B3GALT1: variants seen among roughly 807,000 people sequenced by gnomAD.
The protein encoded by B3GALT1 is UDP-Gal:betaGlcNAc beta 1,3-galactosyltransferase, polypeptide 1.
B3GALT1 carries 10 observed loss-of-function variants against 23.2 expected under a neutral mutation model. The observed-to-expected ratio is 0.43, with a 90% CI of 0.27 to 0.73. The LOEUF is 0.73. Among genes scored for constraint, B3GALT1 ranks in the 30% least tolerant of loss-of-function variants. The probability of loss-of-function intolerance (pLI) is 0.21; values close to 1 mark genes in which losing one functional copy is unlikely to be tolerated. For missense variants in B3GALT1, 299 were observed against 405.4 expected, an observed-to-expected ratio of 0.74 and a Z score of 2.25; for synonymous variants, 156 against 141.5, an observed-to-expected ratio of 1.10 and a Z score of -0.73.
intron 3 of B3GALT1, among the ~76,000 whole-genome samples, chr2:167,812,327 CTTAATT>C (rs1350248771): frequency 6.6e-6 from 1 of 152,308 alleles, no homozygotes; most frequent in Admixed American, 6.5e-5. Flanking sequence ...CTGGAATGGA[CTTAATT>C]TTAAGAACTA....
At chr2:167,306,933 G>C (rs1574026182) in intron 1 of B3GALT1, among the ~76,000 whole-genome samples, 1 of 151,788 alleles carries the variant, frequency 6.6e-6, no homozygotes. Flanking sequence ...TCTTATAATT[G>C]GTATTCTCTT....
intron 2 of B3GALT1, among the ~76,000 whole-genome samples, chr2:167,603,848 A>C (rs572810880): frequency 2.0e-5 from 3 of 150,808 alleles, no homozygotes; most frequent in Non-Finnish European, 4.4e-5. Flanking sequence ...CTAAGGAGTG[A>C]GATGTAAACA....
chr2:167,612,639 A>AT (rs1685088144), intron 2 of B3GALT1, among the ~76,000 whole-genome samples: 1 of 151,800 alleles, frequency 6.6e-6, no homozygotes, highest in African/African-American at 2.4e-5. Flanking sequence ...AAAATATGAA[A>AT]TTTTTTGCTA....
chr2:167,839,028 G>C lies in B3GALT1; in HGVS notation c.-230+20235G>C, dbSNP rs1363954723. ...AATTAGGTATTGATGGGACGTATCT[G>C]AAAATAATAAGAGCTATCTATGACA... On this transcript the variant is annotated intron_variant, in intron 4 of 4. Transcript: ENST00000392690. Among the ~76,000 whole-genome samples the C allele has an allele frequency of 3.4e-4, 51 of 152,182 alleles. No individual in the cohort carries two copies. In the East Asian group the frequency reaches 6.6e-3, roughly 20 times the overall value.
chr2:167,751,893 A>G (rs1247529640), intron 3 of B3GALT1, among the ~76,000 whole-genome samples: 1 of 152,174 alleles, frequency 6.6e-6, no homozygotes, highest in Non-Finnish European at 1.5e-5. Flanking sequence ...CTAGGAACCA[A>G]GTAGGGGCTG....
chr2:167,533,228 C>A (rs1026203603), intron 2 of B3GALT1, among the ~76,000 whole-genome samples: 1 of 152,068 alleles, frequency 6.6e-6, no homozygotes. Context: ...CTAGGATCTC[C>A]AGTGTAATAT....
intron 1 of B3GALT1, among the ~76,000 whole-genome samples, chr2:167,342,751 G>A (rs751432194): frequency 7.3e-5 from 11 of 151,712 alleles, no homozygotes; most frequent in Admixed American, 3.9e-4. Context: ...CTACAATTCC[G>A]ATTTCCGTGT....
intron 1 of B3GALT1, among the ~76,000 whole-genome samples, chr2:167,391,195 A>T (rs1301377686): frequency 6.6e-6 from 1 of 152,158 alleles, no homozygotes; most frequent in Non-Finnish European, 1.5e-5. Context: ...TAGAAATTCC[A>T]TTTCCTCAGA....
At position 167,772,615 on chromosome 2, in the gene B3GALT1, A is replaced by G. The variant is rs191940092; in HGVS notation, c.-351-46057A>G. On this transcript the variant is annotated intron_variant, in intron 3 of 4. Transcript: ENST00000392690. Reference sequence around the variant, plus strand: ...ATTTTGGAGACTTGGTGAATCAGTAATGTTCCTCATTTTTAGATATGCAGC... The same window carrying G: ...ATTTTGGAGACTTGGTGAATCAGTAGTGTTCCTCATTTTTAGATATGCAGC... Among the ~76,000 whole-genome samples the G allele has an allele frequency of 2.6e-5, 4 of 152,320 alleles. No individual in the cohort carries two copies. The East Asian group carries it at 7.7e-4, about 29-fold the overall frequency.
chr2:167,814,394 T>C (rs943765771), intron 3 of B3GALT1, among the ~76,000 whole-genome samples: 4 of 152,202 alleles, frequency 2.6e-5, no homozygotes, highest in Non-Finnish European at 5.9e-5. Flanking sequence ...AGGCTTGGCC[T>C]AGAGAAGCTA....
chr2:167,545,898 T>A (rs1359714455), intron 2 of B3GALT1, among the ~76,000 whole-genome samples: 1 of 152,250 alleles, frequency 6.6e-6, no homozygotes, highest in East Asian at 1.9e-4. Context: ...ATATACGTAA[T>A]GAGTTATCTT....
At chr2:167,361,268 C>A (rs2105262953) in intron 1 of B3GALT1, among the ~76,000 whole-genome samples, 1 of 147,528 alleles carries the variant, frequency 6.8e-6, no homozygotes, top group Non-Finnish European at 1.5e-5. Flanking sequence ...TTAAGAAGTC[C>A]TCCATGTGAT....
At chr2:167,701,467 A>G (rs1361224858) in intron 3 of B3GALT1, among the ~76,000 whole-genome samples, 1 of 152,116 alleles carries the variant, frequency 6.6e-6, no homozygotes, top group Non-Finnish European at 1.5e-5. Context: ...TCTGCATCCT[A>G]TAAAGATACC....
chr2:167,332,454 A>G (rs189633245), intron 1 of B3GALT1, among the ~76,000 whole-genome samples: 7 of 152,374 alleles, frequency 4.6e-5, no homozygotes, highest in African/African-American at 1.7e-4. Context: ...GACCTACAGT[A>G]TCAGCAATGA....
intron 1 of B3GALT1, among the ~76,000 whole-genome samples, chr2:167,375,028 G>A (rs915224597): frequency 6.6e-6 from 1 of 151,988 alleles, no homozygotes; most frequent in Non-Finnish European, 1.5e-5. Flanking sequence ...GAAAGATAGG[G>A]GTCCAGTTTC....
At chr2:167,655,910 T>G (rs1685947952) in intron 3 of B3GALT1, among the ~76,000 whole-genome samples, 1 of 152,156 alleles carries the variant, frequency 6.6e-6, no homozygotes, top group South Asian at 2.1e-4. Flanking sequence ...AGTATATAAA[T>G]ATCCATGCAC....
intron 2 of B3GALT1, among the ~76,000 whole-genome samples, chr2:167,552,883 C>T (rs1227132): frequency 0.51 from 76,903 of 151,994 alleles, 22,054 homozygotes; most frequent in East Asian, 0.99. Flanking sequence ...TCCCATCTTG[C>T]TGTTTTTTGA....
intron 2 of B3GALT1, among the ~76,000 whole-genome samples, chr2:167,635,774 G>A (rs2105451095): frequency 6.6e-6 from 1 of 152,136 alleles, no homozygotes; most frequent in Middle Eastern, 3.4e-3. Context: ...ACTGACCAAA[G>A]TAATTTATAA....
intron 3 of B3GALT1, among the ~76,000 whole-genome samples, chr2:167,673,863 A>C (rs1484693719): frequency 6.6e-6 from 1 of 152,070 alleles, no homozygotes; most frequent in African/African-American, 2.4e-5. Flanking sequence ...ACCTCTGACT[A>C]ATCAGAAAAT....
Sources: allele counts gnomAD v4.1 joint callset (sites outside exome capture counted in the v4.1 genomes callset), GRCh38; gene constraint gnomAD v4.1.1; transcripts MANE v1.5; gene names NCBI Gene and HGNC (gene_info 2026-07-23, HGNC 2026-07-21).